Variants in TSPAN2 observed in about 807,000 individuals in gnomAD.
TSPAN2 encodes the protein tetraspanin-2.
TSPAN2 carries 24 observed loss-of-function variants against 33.3 expected under a neutral mutation model. That is an observed-to-expected ratio of 0.72 (90% CI 0.52 to 1.01). The LOEUF (loss-of-function observed/expected upper bound fraction) is 1.01. Ranked by LOEUF, TSPAN2 falls within the 50% of genes least tolerant of loss-of-function variation. The pLI is 0.00. For missense variants in TSPAN2, 278 were observed against 281.3 expected (o/e 0.99, Z 0.08); for synonymous variants, 114 against 104.5 (o/e 1.09, Z -0.56).
At chr1:115,052,142 C>T (rs1320403611) in intron 7 of TSPAN2, among the ~76,000 whole-genome samples, 9 of 152,152 alleles carry the variant, frequency 5.9e-5, no homozygotes, top group African/African-American at 2.2e-4. Context: ...AGAACTGCAG[C>T]CAGGCTATCC....
chr1:115,070,591 C>G (rs969367716), intron 2 of TSPAN2, among the ~76,000 whole-genome samples: 33 of 152,090 alleles, frequency 2.2e-4, no homozygotes, highest in African/African-American at 7.5e-4. Flanking sequence ...GTCCTCAGAC[C>G]CCAACAGAGC....
At chr1:115,085,413 C>G (rs766582834) in intron 1 of TSPAN2, among the ~76,000 whole-genome samples, 4 of 152,152 alleles carry the variant, frequency 2.6e-5, no homozygotes, top group Non-Finnish European at 4.4e-5. Flanking sequence ...AGCAAGCTGC[C>G]AGAGGAGGCT....
rs550304757 is a variant in TSPAN2 at position 115,081,523 on chromosome 1, C to T, written c.69+7841G>A. ...AATAAACACATGCGTGCATACGGTA[C>T]GTAGGTGTAAAGGAGTTGTAGTGGA... On this transcript the variant is annotated intron_variant, in intron 1 of 7. Coordinates refer to ENST00000369516, the MANE Select transcript of TSPAN2 (RefSeq NM_005725.6). Among the ~76,000 whole-genome samples the T allele has an allele frequency of 1.3e-4, 20 of 152,172 alleles. No individual in the cohort carries two copies. In the South Asian group the frequency reaches 3.9e-3, roughly 30 times the overall value.
In TSPAN2 at chr1:115,074,255, C is replaced by G. The variant is rs538086596; in HGVS notation, c.70-1248G>C. Among the ~76,000 whole-genome samples, 24 of 152,312 alleles carry G rather than the reference C, an allele frequency of 1.6e-4. No homozygotes were observed. In the South Asian group the frequency reaches 3.1e-3, roughly 20 times the overall value. ...ATAGTCCTTTTTATACAGGGGACTTCTGTCTTGCCAGGCAGCTTATAAAGG... is the reference window on the plus strand; with the variant it reads ...ATAGTCCTTTTTATACAGGGGACTTGTGTCTTGCCAGGCAGCTTATAAAGG... On this transcript the variant is annotated intron_variant, in intron 1 of 7. Coordinates refer to ENST00000369516, the MANE Select transcript of TSPAN2 (RefSeq NM_005725.6).
In TSPAN2 at chr1:115,049,049, G is replaced by C. The variant is rs1036841550; in HGVS notation, c.*1441C>G. 3.3e-5 allele frequency: 5 copies of C among 152,000 alleles called. No homozygotes were observed. Among genetic ancestry groups the C allele is most frequent in the African/African-American group, 1.2e-4 (5 of 41,408 alleles). The allele number at this position is 152,000 out of a possible 1,614,324, so 9.4% of individuals were successfully genotyped here. A position where few individuals can be genotyped will look rare whatever the true frequency, so the allele number is the denominator to read the frequency against. ...TTTCACATGTATAGAAGTTCATCTG[G>C]GGGTTTCCAAAGCCTTCCGTATTTT... On this transcript the variant is annotated 3_prime_UTR_variant, in exon 8 of 8. Coordinates refer to ENST00000369516, the MANE Select transcript of TSPAN2 (RefSeq NM_005725.6).
At chr1:115,070,374 C>CTTTT (rs35027846) in intron 2 of TSPAN2, among the ~76,000 whole-genome samples, 2 of 139,328 alleles carry the variant, frequency 1.4e-5, no homozygotes, top group South Asian at 2.2e-4. Flanking sequence ...CAATAATCTG[C>CTTTT]TTTTTTTTTT....
intron 1 of TSPAN2, 96 bp from the exon 2 acceptor site, chr1:115,073,103 C>T: frequency 9.5e-7 from 1 of 1,047,218 alleles, no homozygotes; most frequent in Non-Finnish European, 1.5e-6. Flanking sequence ...ACAAGGTCAC[C>T]CCTTTGGAAA....
intron 1 of TSPAN2, among the ~76,000 whole-genome samples, chr1:115,080,080 A>C (rs555493595): frequency 3.3e-5 from 5 of 152,358 alleles, no homozygotes; most frequent in African/African-American, 1.2e-4. Flanking sequence ...TGCTGGAGAA[A>C]TATAAGCTCA....
chr1:115,062,167 CT>C lies in TSPAN2; in HGVS notation c.237del (p.Ala80ProfsTer18). 6.2e-7 allele frequency: 1 copy of C among 1,601,230 alleles called. No individual in the cohort carries two copies. The highest frequency in any genetic ancestry group is 2.3e-5 in the East Asian group (1 of 44,234). ...MMAVGFFGCC[G>X]AMRESQCVLG... ...AGCACACATTGCGACTCCCGCATGG[CT>C]CCGCAGCACCCGAAGAACCCCACGG... On this transcript the variant is annotated frameshift_variant, in exon 3 of 8. Coordinates refer to ENST00000369516, the MANE Select transcript of TSPAN2 (RefSeq NM_005725.6). LOFTEE classifies it high-confidence loss of function.
chr1:115,064,666 T>C (rs1263757719), intron 2 of TSPAN2, among the ~76,000 whole-genome samples: 1 of 152,100 alleles, frequency 6.6e-6, no homozygotes, highest in African/African-American at 2.4e-5. Flanking sequence ...ACAGAGAAAA[T>C]CAAATCAGTT....
intron 1 of TSPAN2, among the ~76,000 whole-genome samples, chr1:115,081,848 C>T (rs751433384): frequency 5.3e-5 from 8 of 151,700 alleles, no homozygotes; most frequent in South Asian, 2.1e-4. Flanking sequence ...TTGCTGCAGC[C>T]GTCCTCTACT....
At chr1:115,073,383 A>C (rs1057041109) in intron 1 of TSPAN2, among the ~76,000 whole-genome samples, 1 of 152,112 alleles carries the variant, frequency 6.6e-6, no homozygotes, top group Non-Finnish European at 1.5e-5. Context: ...GGCATGTTGG[A>C]TCTCTTCACC....
intron 1 of TSPAN2, among the ~76,000 whole-genome samples, chr1:115,073,837 AAGGCTTTTGTG>A (rs935239551): frequency 2.0e-5 from 3 of 151,854 alleles, no homozygotes; most frequent in African/African-American, 7.3e-5. Context: ...CCCTACTCTG[AAGGCTTTTGTG>A]AGGCTCAGCT....
chr1:115,069,235 C>G (rs1188069510), intron 2 of TSPAN2, among the ~76,000 whole-genome samples: 1 of 152,204 alleles, frequency 6.6e-6, no homozygotes, highest in Non-Finnish European at 1.5e-5. Context: ...GCTGTTTTCC[C>G]TGCCCAGAAT....
rs115773377 is a variant in TSPAN2 at position 115,073,043 on chromosome 1, G to A, written c.70-36C>T. The A allele has an allele frequency of 1.8e-5, 29 of 1,568,524 alleles. No individual in the cohort carries two copies. In the African/African-American group the frequency reaches 3.8e-4, roughly 20 times the overall value. Reference sequence around the variant, plus strand: ...AACGACACTGTGTTTACAGTGGAAGGGGAAAGAGCATGCACAGATCCGAGA... The same window carrying A: ...AACGACACTGTGTTTACAGTGGAAGAGGAAAGAGCATGCACAGATCCGAGA... On this transcript the variant is annotated intron_variant, in intron 1 of 7. Coordinates refer to ENST00000369516, the MANE Select transcript of TSPAN2 (RefSeq NM_005725.6).
At chr1:115,083,800 G>T (rs1352046085) in intron 1 of TSPAN2, among the ~76,000 whole-genome samples, 1 of 152,214 alleles carries the variant, frequency 6.6e-6, no homozygotes, top group African/African-American at 2.4e-5. Flanking sequence ...CTTAGCTGGA[G>T]CCATGCTTAA....
intron 6 of TSPAN2, 68 bp downstream of exon 6, chr1:115,057,468 AC>A (rs1205721068): frequency 1.4e-6 from 2 of 1,456,008 alleles, no homozygotes; most frequent in African/African-American, 2.8e-5. Context: ...CCGAGATTCT[AC>A]CTTCAATGGC....
In TSPAN2 at chr1:115,064,596, T is replaced by C. The variant is rs542205272; in HGVS notation, c.173-2364A>G. ...GTTGACAAACCTTATTCATCCTCTC[T>C]AGAACATGCCCTGCACAAGGCAGAA... is the stretch of plus-strand genomic sequence containing the variant. On this transcript the variant is annotated intron_variant, in intron 2 of 7. Coordinates refer to ENST00000369516, the MANE Select transcript of TSPAN2 (RefSeq NM_005725.6). 9.9e-4 allele frequency among the ~76,000 whole-genome samples: 151 copies of C among 152,352 alleles called. 1 individual carries two copies. The highest frequency in any genetic ancestry group is 3.0e-3 in the African/African-American group (126 of 41,580).
At chr1:115,059,188 C>T (rs1292624446) in intron 4 of TSPAN2, among the ~76,000 whole-genome samples, 2 of 151,968 alleles carry the variant, frequency 1.3e-5, no homozygotes, top group Non-Finnish European at 2.9e-5. Context: ...GTACACTGCT[C>T]GGGTGATGGG....
Sources: allele counts gnomAD v4.1 joint callset (sites outside exome capture counted in the v4.1 genomes callset), GRCh38; gene constraint gnomAD v4.1.1; transcripts MANE v1.5; gene names NCBI Gene and HGNC (gene_info 2026-07-23, HGNC 2026-07-21).